NMU: variants seen among roughly 807,000 people sequenced by gnomAD.
NMU encodes neuromedin U.
A neutral mutation model predicts 35.4 loss-of-function variants in NMU; 29 were observed. That is an observed-to-expected ratio of 0.82 (90% CI 0.61 to 1.12). The LOEUF is 1.12. NMU is among the 50% of genes most tolerant of loss of function. The pLI, the probability that NMU is intolerant of heterozygous loss-of-function variation, is 0.00. For synonymous variants in NMU, 78 were observed against 81.3 expected, an observed-to-expected ratio of 0.96 and a Z score of 0.22; for missense variants, 199 against 206.2, an observed-to-expected ratio of 0.97 and a Z score of 0.21.
chr4:55,618,854 TTCTC>T (rs774425529), intron 2 of NMU, among the ~76,000 whole-genome samples: 4 of 150,628 alleles, frequency 2.7e-5, no homozygotes, highest in Admixed American at 1.3e-4. Flanking sequence ...TCTTTCTTTC[TTCTC>T]TCTCTCTTTC....
chr4:55,614,506 T>C (rs1020792544), intron 3 of NMU, among the ~76,000 whole-genome samples: 5 of 152,194 alleles, frequency 3.3e-5, no homozygotes, highest in African/African-American at 9.6e-5. Flanking sequence ...ATGTATCCTA[T>C]ATAAGAACAT....
chr4:55,599,045 T>G, intron 9 of NMU, 97 bp downstream of exon 9: 1 of 776,758 alleles, frequency 1.3e-6, no homozygotes, highest in Non-Finnish European at 2.2e-6. Context: ...TAGTTTAATT[T>G]GTGACTATTT....
At position 55,628,456 on chromosome 4, in the gene NMU, C is replaced by G. The variant is rs1012459594; in HGVS notation, c.171+1946G>C. 3.3e-5 allele frequency among the ~76,000 whole-genome samples: 5 copies of G among 149,980 alleles called. No homozygotes were observed. In the South Asian group the frequency reaches 8.6e-4, roughly 26 times the overall value. On this transcript the variant is annotated intron_variant, in intron 2 of 9. Coordinates refer to ENST00000264218, the MANE Select transcript of NMU (RefSeq NM_006681.4). The stretch of plus-strand genomic sequence containing the variant: ...TGGTTTTGTTAAAACTGTTGCTCCG[C>G]TCTCCTTTTAAAATTTATTTCTGCC...
chr4:55,596,996 C>CAT (rs992223484), intron 9 of NMU, among the ~76,000 whole-genome samples: 1 of 152,132 alleles, frequency 6.6e-6, no homozygotes, highest in African/African-American at 2.4e-5. Context: ...TTGAGATTAT[C>CAT]ATAATTTTTC....
chr4:55,615,666 T>C (rs1020998282), intron 3 of NMU, among the ~76,000 whole-genome samples: 4 of 152,140 alleles, frequency 2.6e-5, no homozygotes, highest in Admixed American at 6.5e-5. Flanking sequence ...GGTTCAGGAG[T>C]ACATGTGCAA....
chr4:55,633,388 G>A (rs2110215867), intron 1 of NMU, among the ~76,000 whole-genome samples: 1 of 151,672 alleles, frequency 6.6e-6, no homozygotes, highest in African/African-American at 2.4e-5. Context: ...CCAAACATAA[G>A]GAGGAGTTAT....
intron 8 of NMU, among the ~76,000 whole-genome samples, chr4:55,599,597 T>C (rs1733344399): frequency 6.6e-6 from 1 of 152,192 alleles, no homozygotes; most frequent in Admixed American, 6.5e-5. Flanking sequence ...TTCTCTAATT[T>C]GCTGTTAGAA....
rs1733324464 is a variant in NMU at position 55,599,184 on chromosome 4, G to GA, written c.490-4dup. On this transcript the variant is annotated splice_region_variant and splice_polypyrimidine_tract_variant and intron_variant, in intron 8 of 9. Transcript: ENST00000264218. Reference sequence around the variant, plus strand: ...GCTGACCTTCTTCCATTCCGTGGCTGAAAAATAATAGATTAGAAATAAATC... The same window carrying GA: ...GCTGACCTTCTTCCATTCCGTGGCTGAAAAAATAATAGATTAGAAATAAATC... 4.4e-6 allele frequency: 7 copies of GA among 1,602,964 alleles called. No individual in the cohort carries two copies. In the African/African-American group the frequency reaches 5.3e-5, roughly 12 times the overall value.
chr4:55,601,890 A>T (rs1733441650), intron 7 of NMU, among the ~76,000 whole-genome samples: 1 of 151,936 alleles, frequency 6.6e-6, no homozygotes. Context: ...CAGGCTCCTC[A>T]GGAGGCTGAG....
intron 2 of NMU, among the ~76,000 whole-genome samples, chr4:55,628,290 TA>T (rs1734613918): frequency 1.3e-5 from 2 of 152,178 alleles, no homozygotes; most frequent in South Asian, 4.1e-4. Flanking sequence ...CAATTATCCA[TA>T]AAATTATTTT....
intron 1 of NMU, 57 bp from the exon 2 acceptor site, chr4:55,630,517 T>C: frequency 7.7e-7 from 1 of 1,291,532 alleles, no homozygotes; most frequent in African/African-American, 1.5e-5. Context: ...TAAAATTAAA[T>C]ATCCATATAT....
At chr4:55,599,090 G>T in intron 9 of NMU, 52 bp downstream of exon 9, 1 of 1,207,764 alleles carries the variant, frequency 8.3e-7, no homozygotes, top group Non-Finnish European at 1.2e-6. Flanking sequence ...GTGTTGAACT[G>T]TGAAATGCAT....
At chr4:55,626,637 G>C (rs1734541530) in intron 2 of NMU, among the ~76,000 whole-genome samples, 1 of 152,168 alleles carries the variant, frequency 6.6e-6, no homozygotes, top group Non-Finnish European at 1.5e-5. Flanking sequence ...AACCCGAGGA[G>C]GGGGAGGTTG....
upstream of NMU, chr4:55,636,388 G>T: frequency 1.2e-6 from 1 of 809,672 alleles, no homozygotes; most frequent in Non-Finnish European, 1.7e-6. The surrounding 1 kb of genome is among the most constrained non-coding windows in gnomAD (Gnocchi z 4.0). Flanking sequence ...GCCGCCTGCC[G>T]CCCCCGGCCT....
At chr4:55,603,444 T>C (rs1359560723) in intron 7 of NMU, among the ~76,000 whole-genome samples, 2 of 152,104 alleles carry the variant, frequency 1.3e-5, no homozygotes, top group Non-Finnish European at 2.9e-5. Flanking sequence ...TATTTTGTAC[T>C]TTCTCTTACT....
chr4:55,610,483 G>T (rs1040357065), intron 3 of NMU, among the ~76,000 whole-genome samples: 1 of 148,628 alleles, frequency 6.7e-6, no homozygotes, highest in Non-Finnish European at 1.5e-5. Context: ...AAAAAAGAAA[G>T]ACATATGAAA....
At chr4:55,628,832 C>G (rs962825767) in intron 2 of NMU, among the ~76,000 whole-genome samples, 6 of 151,684 alleles carry the variant, frequency 4.0e-5, no homozygotes, top group Non-Finnish European at 8.8e-5. Context: ...TTAATTTTCC[C>G]TGTTCTTTTT....
chr4:55,619,606 C>T (rs1228000151), intron 2 of NMU, among the ~76,000 whole-genome samples: 2 of 127,876 alleles, frequency 1.6e-5, no homozygotes, highest in African/African-American at 5.7e-5. Flanking sequence ...CCGCCATTGC[C>T]CAGGCTTGCT....
intron 3 of NMU, among the ~76,000 whole-genome samples, chr4:55,612,838 C>A (rs1472029288): frequency 6.6e-6 from 1 of 152,058 alleles, no homozygotes; most frequent in Non-Finnish European, 1.5e-5. Context: ...ACATTTTCTA[C>A]TTGGTAAAAA....
Sources: allele counts gnomAD v4.1 joint callset (sites outside exome capture counted in the v4.1 genomes callset), GRCh38; gene constraint gnomAD v4.1.1; non-coding constraint Gnocchi (gnomAD v3.1); transcripts MANE v1.5; gene names NCBI Gene and HGNC (gene_info 2026-07-23, HGNC 2026-07-21).